Variants in VWDE observed in about 807,000 individuals in gnomAD.
VWDE encodes the protein von Willebrand factor D and EGF domains.
A neutral mutation model predicts 178.4 loss-of-function variants in VWDE; 207 were observed. That is an observed-to-expected ratio of 1.16 (90% CI 1.04 to 1.30). The LOEUF (loss-of-function observed/expected upper bound fraction) is 1.30. Ranked by LOEUF, VWDE falls within the 50% of genes most tolerant of loss-of-function variation. The probability of loss-of-function intolerance (pLI) is 0.00; values close to 1 mark genes in which losing one functional copy is unlikely to be tolerated. For missense variants in VWDE, 2,287 were observed against 1,901.3 expected (o/e 1.20, Z -3.77); for synonymous variants, 738 against 651.4 (o/e 1.13, Z -2.02).
In VWDE at chr7:12,372,998, A is replaced by T; in HGVS notation, c.1566T>A (p.Ser522=). The change falls in exon 10 of 29, where the codon TCT becomes TCA. Residue 522 remains serine (S), a synonymous_variant. Transcript: ENST00000275358. The part of the protein sequence containing the change: ...DVTRNIKISE[S]YLGRKVTIWF... ...ATACTGTGACTTTTCTTCCTAAGTA[A>T]GATTCACTTATCTTGATATTCCTGG... 2 of 1,551,104 alleles carry T rather than the reference A, an allele frequency of 1.3e-6. No homozygotes were observed. The highest frequency in any genetic ancestry group is 1.7e-6 in the Non-Finnish European group (2 of 1,146,582).
At chr7:12,394,826 T>C (rs1784551170) in intron 1 of VWDE, among the ~76,000 whole-genome samples, 1 of 152,034 alleles carries the variant, frequency 6.6e-6, no homozygotes, top group African/African-American at 2.4e-5. Context: ...AAAAACCTTA[T>C]CTAACTAAAA....
rs1072557 is a variant in VWDE at position 12,370,736 on chromosome 7, C to T, written c.1716G>A (p.Pro572=). 0.13 allele frequency: 199,821 copies of T among 1,550,662 alleles called. 14,511 individuals carry two copies. The highest frequency in any genetic ancestry group is 0.27 in the African/African-American group (19,585 of 72,896). ...CATTTTTGTCATGGAAATCATTTTC[C>T]GGATTTTCATCAAAGGTTCCACAAA... is the stretch of plus-strand genomic sequence containing the variant. ...LGLCGTFDEN[P]ENDFHDKNGM... The change falls in exon 11 of 29, where the codon CCG becomes CCA. Residue 572 remains proline, a synonymous_variant. Transcript: ENST00000275358.
At chr7:12,390,141 G>A (rs1208651326) in intron 2 of VWDE, among the ~76,000 whole-genome samples, 1 of 150,998 alleles carries the variant, frequency 6.6e-6, no homozygotes, top group African/African-American at 2.4e-5. Flanking sequence ...CTCCAGCCTG[G>A]GCGACAGAGC....
At chr7:12,334,084 T>C (rs1341360413) in intron 27 of VWDE, among the ~76,000 whole-genome samples, 1 of 152,126 alleles carries the variant, frequency 6.6e-6, no homozygotes, top group Non-Finnish European at 1.5e-5. Context: ...CTTGAAATCT[T>C]TCCCAAGGCA....
At chr7:12,344,147 T>C (rs1781474038) in intron 21 of VWDE, 48 bp downstream of exon 21, 1 of 1,476,686 alleles carries the variant, frequency 6.8e-7, no homozygotes, top group Non-Finnish European at 9.2e-7. Flanking sequence ...TAAAGAAAAT[T>C]ATGCTATATT....
chr7:12,376,361 GAGGGGT>G (rs1235727465), intron 7 of VWDE, among the ~76,000 whole-genome samples: 5 of 152,058 alleles, frequency 3.3e-5, no homozygotes, highest in Non-Finnish European at 5.9e-5. Flanking sequence ...AGGACAAGAT[GAGGGGT>G]ATCCAGAATG....
Position 12,379,647 on chromosome 7 carries a change from A to G in VWDE, c.790-81T>C, listed in dbSNP as rs150413823. On this transcript the variant is annotated intron_variant, in intron 5 of 28. Coordinates refer to ENST00000275358, the MANE Select transcript of VWDE (RefSeq NM_001135924.3). ...TAAATTATCACTTTTAAAATCCTAA[A>G]TTTAATTCTTCATAGATAGTATATA... 56 of 982,248 alleles carry G rather than the reference A, an allele frequency of 5.7e-5. No individual in the cohort carries two copies. In the African/African-American group the frequency reaches 6.4e-4, roughly 11 times the overall value. The allele number at this position is 982,248 out of a possible 1,614,324, so 60.8% of individuals were successfully genotyped here. A position where few individuals can be genotyped will look rare whatever the true frequency, so the allele number is the denominator to read the frequency against.
chr7:12,400,224 A>G (rs746720134), intron 1 of VWDE, among the ~76,000 whole-genome samples: 1 of 152,144 alleles, frequency 6.6e-6, no homozygotes, highest in Non-Finnish European at 1.5e-5. Flanking sequence ...AAGATTGGAT[A>G]TAAAATTGAT....
intron 13 of VWDE, 60 bp downstream of exon 13, chr7:12,367,297 A>T: frequency 7.6e-7 from 1 of 1,309,472 alleles, no homozygotes; most frequent in African/African-American, 1.5e-5. Flanking sequence ...TTAATCCAAG[A>T]TAATATTAAT....
intron 4 of VWDE, among the ~76,000 whole-genome samples, chr7:12,382,491 G>A (rs1022330849): frequency 1.3e-5 from 2 of 151,778 alleles, no homozygotes; most frequent in African/African-American, 4.8e-5. Flanking sequence ...GCATGAAATA[G>A]AGCATGAAAA....
chr7:12,347,790 A>T (rs1781689863), intron 19 of VWDE, among the ~76,000 whole-genome samples: 1 of 152,032 alleles, frequency 6.6e-6, no homozygotes, highest in Admixed American at 6.6e-5. Flanking sequence ...AAAAGAACAA[A>T]GCTGGAGGCA....
chr7:12,351,636 C>G lies in VWDE; in HGVS notation c.3823G>C (p.Glu1275Gln). The G allele has an allele frequency of 6.5e-7, 1 of 1,547,104 alleles. No homozygotes were observed. Among genetic ancestry groups the G allele is most frequent in the South Asian group, 1.2e-5 (1 of 83,676 alleles). ...CTCCCTTGGGCATTTTTATCATCCT[C>G]TTCTTTATTTACACTTTTATCAGAT... Reference protein sequence around the residue: ...TRSDKSVNKEEDDKNAQGRKR... With the variant: ...TRSDKSVNKEQDDKNAQGRKR... The change falls in exon 19 of 29, where the codon GAG becomes CAG. Residue 1275 changes from glutamate to glutamine, a missense_variant. Transcript: ENST00000275358.
Position 12,344,145 on chromosome 7 carries a change from A to C in VWDE, c.4078+50T>G, listed in dbSNP as rs757987931. ...TCTTGTAAAATGGTTTTTAAAGAAA[A>C]TTATGCTATATTTTAGGCCTTATAT... On this transcript the variant is annotated intron_variant, in intron 21 of 28. Coordinates refer to ENST00000275358, the MANE Select transcript of VWDE (RefSeq NM_001135924.3). 1.4e-5 allele frequency: 20 copies of C among 1,475,592 alleles called. No homozygotes were observed. In the South Asian group the frequency reaches 2.3e-4, roughly 17 times the overall value. 91.4% of individuals were successfully genotyped at this position (1,475,592 alleles called of 1,614,324 possible). A position where few individuals can be genotyped will look rare whatever the true frequency, so the allele number is the denominator to read the frequency against.
At chr7:12,362,427 C>G (rs917123436) in intron 13 of VWDE, among the ~76,000 whole-genome samples, 1 of 152,070 alleles carries the variant, frequency 6.6e-6, no homozygotes, top group African/African-American at 2.4e-5. Context: ...TTAGTTCACT[C>G]TACTTAATAA....
At chr7:12,351,784 A>G (rs932866595) in intron 18 of VWDE, 71 bp from the exon 19 acceptor site, 38 of 1,344,660 alleles carry the variant, frequency 2.8e-5, no homozygotes, top group Admixed American at 5.6e-5. Flanking sequence ...AAATAAGAAT[A>G]TACAATACAA....
At chr7:12,401,540 A>T (rs1267158675) in intron 1 of VWDE, among the ~76,000 whole-genome samples, 1 of 152,220 alleles carries the variant, frequency 6.6e-6, no homozygotes, top group Non-Finnish European at 1.5e-5. Flanking sequence ...AGGGCATTAA[A>T]ATGCTTGACA....
intron 19 of VWDE, among the ~76,000 whole-genome samples, chr7:12,350,607 A>G (rs1190443603): frequency 6.6e-6 from 1 of 152,124 alleles, no homozygotes; most frequent in East Asian, 1.9e-4. Flanking sequence ...TTTGTACTAG[A>G]GGTACACTAC....
intron 26 of VWDE, among the ~76,000 whole-genome samples, chr7:12,336,616 C>T (rs771086032): frequency 6.6e-6 from 1 of 152,106 alleles, no homozygotes; most frequent in Non-Finnish European, 1.5e-5. Context: ...AGCTAACCAG[C>T]CTGAGTGGCA....
intron 6 of VWDE, 39 bp downstream of exon 6, chr7:12,379,438 G>C (rs1783713426): frequency 7.0e-7 from 1 of 1,418,620 alleles, no homozygotes; most frequent in Non-Finnish European, 9.7e-7. Flanking sequence ...CATAGTTCCA[G>C]AGGAATAATC....
Sources: allele counts gnomAD v4.1 joint callset (sites outside exome capture counted in the v4.1 genomes callset), GRCh38; gene constraint gnomAD v4.1.1; transcripts MANE v1.5; gene names NCBI Gene and HGNC (gene_info 2026-07-23, HGNC 2026-07-21).